Variants in EHD2 observed in about 807,000 individuals in gnomAD.
The protein encoded by EHD2 is EH domain-containing protein 2.
In EHD2, 27 loss-of-function variants were observed where a neutral mutation model predicts 41.0. The observed-to-expected ratio is 0.66, with a 90% CI of 0.49 to 0.91. The LOEUF (loss-of-function observed/expected upper bound fraction) is 0.91. Among genes scored for constraint, EHD2 ranks in the 40% least tolerant of loss-of-function variants. EHD2 has a pLI of 0.00. For synonymous variants in EHD2, 342 were observed against 341.0 expected, an observed-to-expected ratio of 1.00 and a Z score of -0.03; for missense variants, 673 against 773.9, an observed-to-expected ratio of 0.87 and a Z score of 1.55.
Position 47,726,002 on chromosome 19 carries a change from C to T in EHD2, c.693C>T (p.Arg231=), listed in dbSNP as rs1163435734. Residue 231 remains arginine (R), a synonymous_variant, in exon 4 of 6, where the codon CGC becomes CGT. Coordinates refer to ENST00000263277, the MANE Select transcript of EHD2 (RefSeq NM_014601.4). ...ADMVETQQLM[R]VYGALMWALG... is the part of the protein sequence containing the mutation. ...TGGTGGAGACGCAGCAGCTGATGCG[C>T]GTCTACGGCGCGCTCATGTGGGCGC... The T allele has an allele frequency of 1.9e-6, 3 of 1,607,938 alleles. No individual in the cohort carries two copies. Among genetic ancestry groups the T allele is most frequent in the Non-Finnish European group, 2.6e-6 (3 of 1,176,302 alleles).
intron 3 of EHD2, among the ~76,000 whole-genome samples, chr19:47,725,114 T>C (rs1599892561): frequency 6.9e-6 from 1 of 144,996 alleles, no homozygotes; most frequent in Non-Finnish European, 1.5e-5. Context: ...GGAGCTGGGG[T>C]GATAGAGGCA....
chr19:47,738,971 C>T (rs1033990437), intron 5 of EHD2, among the ~76,000 whole-genome samples: 15 of 152,268 alleles, frequency 9.9e-5, no homozygotes, highest in African/African-American at 3.1e-4. Flanking sequence ...TCCCAGGAAC[C>T]CCTGATGATC....
Position 47,736,497 on chromosome 19 carries a change from C to G in EHD2, c.1044C>G (p.Ile348Met). The change falls in exon 5 of 6, where the codon ATC becomes ATG. Residue 348 changes from isoleucine to methionine, a missense_variant. Physicochemically the swap from Ile to Met is conservative, Grantham distance 10. Transcript: ENST00000263277. ...IFAKIQLEHH[I>M]SPGDFPDCQK... ...CGAAGATTCAGCTGGAACATCACAT[C>G]TCCCCTGGGGACTTTCCTGATTGCC... 6.2e-7 allele frequency: 1 copy of G among 1,611,520 alleles called. No homozygotes were observed. The highest frequency in any genetic ancestry group is 1.3e-5 in the African/African-American group (1 of 74,854).
intron 3 of EHD2, among the ~76,000 whole-genome samples, chr19:47,721,436 C>G (rs943962218): frequency 1.3e-5 from 2 of 151,842 alleles, no homozygotes; most frequent in African/African-American, 4.8e-5. Flanking sequence ...GCCTCAGCCT[C>G]CGGAGTAGCT....
rs1459569470 is a variant in EHD2 at position 47,741,284 on chromosome 19, T to C, written c.1484T>C (p.Val495Ala). 6.2e-7 allele frequency: 1 copy of C among 1,613,938 alleles called. No homozygotes were observed. The highest frequency in any genetic ancestry group is 8.5e-7 in the Non-Finnish European group (1 of 1,179,964). Residue 495 changes from valine to alanine, a missense_variant, in exon 6 of 6, where the codon GTG becomes GCG. Coordinates refer to ENST00000263277, the MANE Select transcript of EHD2 (RefSeq NM_014601.4). The surrounding 1 kb of genome is among the most constrained non-coding windows in gnomAD (Gnocchi z 4.5). ...VLGRIWKLSD[V>A]DRDGMLDDEE... Reference sequence around the variant, plus strand: ...GGGCGCATCTGGAAGCTCAGCGATGTGGACCGCGACGGCATGCTGGATGAT... The same window carrying C: ...GGGCGCATCTGGAAGCTCAGCGATGCGGACCGCGACGGCATGCTGGATGAT...
chr19:47,740,526 T>G (rs1966974892), intron 5 of EHD2, among the ~76,000 whole-genome samples: 2 of 149,426 alleles, frequency 1.3e-5, no homozygotes, highest in African/African-American at 4.9e-5. Context: ...GGCGGGCGAA[T>G]CATGAGGTCA....
chr19:47,718,673 G>GA, intron 3 of EHD2, 67 bp downstream of exon 3: 1 of 1,380,372 alleles, frequency 7.2e-7, no homozygotes, highest in South Asian at 1.3e-5. Context: ...GGGTCTGAGG[G>GA]AGGAGGGACT....
At chr19:47,740,816 T>C in intron 5 of EHD2, 65 bp from the exon 6 acceptor site, 1 of 1,550,870 alleles carries the variant, frequency 6.4e-7, no homozygotes, top group South Asian at 1.2e-5. Context: ...TGATACCACC[T>C]TGCAGCCTGA....
intron 3 of EHD2, among the ~76,000 whole-genome samples, chr19:47,721,162 GGGGTGTGTGTGT>G (rs1165163454): frequency 6.6e-4 from 91 of 138,296 alleles, no homozygotes; most frequent in African/African-American, 1.9e-3. Context: ...TGTGCTACTG[GGGGTGTGTGTGT>G]GTGTGTGTGT....
At chr19:47,733,553 G>C (rs1966890732) in intron 4 of EHD2, among the ~76,000 whole-genome samples, 1 of 151,364 alleles carries the variant, frequency 6.6e-6, no homozygotes, top group Non-Finnish European at 1.5e-5. Context: ...TGTAGTCCCA[G>C]CTACTTGGGA....
At chr19:47,739,207 A>T (rs1966958009) in intron 5 of EHD2, among the ~76,000 whole-genome samples, 1 of 150,172 alleles carries the variant, frequency 6.7e-6, no homozygotes, top group Admixed American at 6.6e-5. Context: ...GGTTCAAGAG[A>T]TTCTGTCTCA....
Position 47,741,825 on chromosome 19 carries a change from C to A in EHD2, c.*393C>A. On this transcript the variant is annotated 3_prime_UTR_variant, in exon 6 of 6. Coordinates refer to ENST00000263277, the MANE Select transcript of EHD2 (RefSeq NM_014601.4). The surrounding 1 kb of genome is among the most constrained non-coding windows in gnomAD (Gnocchi z 4.5). ...ATCTGCCCTCATGGAAGGTGACGTT[C>A]CCAGGAGAGGGCACCTACACAGTCA... 1 of 474,680 alleles carries A rather than the reference C, an allele frequency of 2.1e-6. No homozygotes were observed. Among genetic ancestry groups the A allele is most frequent in the Non-Finnish European group, 4.2e-6 (1 of 239,522 alleles). The allele number at this position is 474,680 out of a possible 1,614,324, so 29.4% of individuals were successfully genotyped here.
intron 4 of EHD2, among the ~76,000 whole-genome samples, chr19:47,726,623 T>TCTCCCTTCCTCCCTC (rs1226136615): frequency 3.1e-4 from 47 of 150,858 alleles, no homozygotes; most frequent in Non-Finnish European, 6.5e-4. Flanking sequence ...TCTGTTCCTC[T>TCTCCCTTCCTCCCTC]CTCCCTTCCT....
chr19:47,731,237 C>T (rs1483714612), intron 4 of EHD2: 1 of 124,132 alleles, frequency 8.1e-6, no homozygotes, highest in African/African-American at 3.0e-5. Context: ...GGACCACCAA[C>T]GTTCTCAGCA....
At chr19:47,724,145 C>T (rs893124057) in intron 3 of EHD2, among the ~76,000 whole-genome samples, 3 of 146,498 alleles carry the variant, frequency 2.0e-5, no homozygotes, top group Non-Finnish European at 4.5e-5. Flanking sequence ...GTGATGCTAT[C>T]TCGGCTCACT....
intron 3 of EHD2, among the ~76,000 whole-genome samples, chr19:47,723,613 G>A (rs566004173): frequency 3.1e-5 from 4 of 131,044 alleles, no homozygotes; most frequent in South Asian, 2.5e-4. Context: ...CTGAGATCGC[G>A]CCACTGCACT....
rs141652879 is a variant in EHD2, at chr19:47,741,056, T to C, written c.1256T>C (p.Met419Thr). The change falls in exon 6 of 6, where the codon ATG becomes ACG. Residue 419 changes from methionine to threonine, a missense_variant. Transcript: ENST00000263277. This position sits in a 1 kb window ranked among gnomAD's most constrained non-coding sequence, Gnocchi z 4.5. The stretch of plus-strand genomic sequence containing the variant: ...GGGGGCGCTTTTGAGGGCACCCACA[T>C]GGGCCCGTTTGTGGAGCGGGGACCT... Reference protein sequence around the residue: ...VQGGAFEGTHMGPFVERGPDE... With the variant: ...VQGGAFEGTHTGPFVERGPDE... The C allele has an allele frequency of 7.5e-6, 12 of 1,609,350 alleles. No homozygotes were observed. The highest frequency in any genetic ancestry group is 2.7e-5 in the African/African-American group (2 of 74,874).
chr19:47,733,420 T>C (rs1185734406), intron 4 of EHD2, among the ~76,000 whole-genome samples: 1 of 151,902 alleles, frequency 6.6e-6, no homozygotes, highest in Non-Finnish European at 1.5e-5. Flanking sequence ...ATGCCTATAA[T>C]CTCAGCACTT....
intron 3 of EHD2, among the ~76,000 whole-genome samples, chr19:47,725,064 T>C (rs1427998751): frequency 6.8e-6 from 1 of 148,148 alleles, no homozygotes; most frequent in East Asian, 2.1e-4. Context: ...GCATGAACTC[T>C]AGTTGCTGGA....
Sources: gnomAD v4.1 joint callset for allele counts (sites outside exome capture counted in the v4.1 genomes callset) on GRCh38, gnomAD v4.1.1 for gene constraint, Gnocchi (gnomAD v3.1) non-coding constraint, MANE v1.5 for transcripts, NCBI Gene and HGNC (gene_info 2026-07-23, HGNC 2026-07-21) for gene names.